PRR5: variants seen among roughly 807,000 people sequenced by gnomAD.
The protein encoded by PRR5 is proline-rich protein 5.
Under a neutral mutation model 30.6 loss-of-function variants are expected in PRR5, and 25 were observed. The observed-to-expected ratio is 0.82, with a 90% CI of 0.60 to 1.14. The LOEUF (loss-of-function observed/expected upper bound fraction) is 1.14, where lower values mean the gene tolerates loss of function less well. Ranked by LOEUF, PRR5 falls within the 50% of genes most tolerant of loss-of-function variation. PRR5 has a pLI of 0.00. For synonymous variants in PRR5, 286 were observed against 247.1 expected, an observed-to-expected ratio of 1.16 and a Z score of -1.48; for missense variants, 600 against 547.1, an observed-to-expected ratio of 1.10 and a Z score of -0.96.
chr22:44,687,940 A>G (rs1366036019), intron 1 of PRR5, among the ~76,000 whole-genome samples: 2 of 151,718 alleles, frequency 1.3e-5, no homozygotes, highest in Non-Finnish European at 2.9e-5. Flanking sequence ...ACACCTGGCT[A>G]ATTTTTGTAT....
At chr22:44,722,310 C>CCCA (rs753740015) in intron 2 of PRR5, among the ~76,000 whole-genome samples, 76 of 152,382 alleles carry the variant, frequency 5.0e-4, no homozygotes, top group Non-Finnish European at 5.7e-4. Flanking sequence ...ACTAACATCA[C>CCCA]CTGTCAGGTG....
rs552348397 is a variant in PRR5 at position 44,719,145 on chromosome 22, A to G, written c.215+4474A>G. On this transcript the variant is annotated intron_variant, in intron 2 of 7. Transcript: ENST00000336985. ...GACTTGCTGAAGAGCAGTGGCATGAACATAGCTCACTGCCGCCTGCACCTT... is the reference window on the plus strand; with the variant it reads ...GACTTGCTGAAGAGCAGTGGCATGAGCATAGCTCACTGCCGCCTGCACCTT... Among the ~76,000 whole-genome samples the G allele has an allele frequency of 8.3e-4, 126 of 151,936 alleles. 1 individual carries two copies. The South Asian group carries it at 0.025, about 30-fold the overall frequency.
At chr22:44,681,077 C>G (rs1924239559) in intron 1 of PRR5, among the ~76,000 whole-genome samples, 1 of 152,230 alleles carries the variant, frequency 6.6e-6, no homozygotes, top group African/African-American at 2.4e-5. Context: ...TCCTGTGTCT[C>G]TTCTCTCTCG....
chr22:44,724,684 C>A lies in PRR5; in HGVS notation c.216-560C>A, dbSNP rs367547711. On this transcript the variant is annotated intron_variant, in intron 2 of 7. Coordinates refer to ENST00000336985, the MANE Select transcript of PRR5 (RefSeq NM_181333.4). ...GTGGAGGTTCAGATCTCAGCTCTGG[C>A]GTGTCCCATGTGGACCTGGTCTGGT... 7.2e-5 allele frequency among the ~76,000 whole-genome samples: 11 copies of A among 152,134 alleles called. No homozygotes were observed. The East Asian group carries it at 1.2e-3, about 16-fold the overall frequency.
rs1922956208 is a variant in PRR5, at chr22:44,735,064, TGC to T, written c.596_597del (p.Arg199ProfsTer131). On this transcript the variant is annotated frameshift_variant, in exon 7 of 8. Transcript: ENST00000336985. LOFTEE classifies it high-confidence loss of function. ...TCCAGGGGCGTGACTGAGGACTACC[TGC>T]GCCTGGAGACGCTGGTCCAGAAGGT... The T allele has an allele frequency of 6.2e-7, 1 of 1,611,930 alleles. No individual in the cohort carries two copies. Among genetic ancestry groups the T allele is most frequent in the Admixed American group, 1.7e-5 (1 of 59,998 alleles).
upstream of PRR5, among the ~76,000 whole-genome samples, chr22:44,675,340 G>T (rs1018249721): frequency 2.0e-5 from 3 of 152,156 alleles, no homozygotes; most frequent in Admixed American, 2.0e-4. Context: ...CTGTCCTCCT[G>T]CCTTGGCCTC....
At position 44,737,181 on chromosome 22, in the gene PRR5, T is replaced by TGGCCGG. The variant is rs759998283; in HGVS notation, c.1111_1116dup (p.Arg371_Gly372dup). On this transcript the variant is annotated inframe_insertion, in exon 8 of 8. Coordinates refer to ENST00000336985, the MANE Select transcript of PRR5 (RefSeq NM_181333.4). ...ATTCTGAAGGGATTTTCATTGACTT[T>TGGCCGG]GGCCGGGGCCGGGGCTCTGGCATGT... 9.3e-6 allele frequency: 15 copies of TGGCCGG among 1,612,650 alleles called. No individual in the cohort carries two copies. Among genetic ancestry groups the TGGCCGG allele is most frequent in the East Asian group, 4.5e-5 (2 of 44,858 alleles).
At chr22:44,678,972 C>T (rs1924018811) in intron 1 of PRR5, among the ~76,000 whole-genome samples, 1 of 152,156 alleles carries the variant, frequency 6.6e-6, no homozygotes, top group South Asian at 2.1e-4. Flanking sequence ...GGATGGTCAG[C>T]TGGACAGTGG....
intron 1 of PRR5, among the ~76,000 whole-genome samples, chr22:44,709,435 C>T (rs1486048540): frequency 1.3e-5 from 2 of 152,034 alleles, no homozygotes; most frequent in Non-Finnish European, 2.9e-5. Context: ...GGAAGGGGCC[C>T]CAAGCCAAAG....
chr22:44,697,411 G>C (rs1194575369), upstream of PRR5, among the ~76,000 whole-genome samples: 1 of 152,228 alleles, frequency 6.6e-6, no homozygotes, highest in Non-Finnish European at 1.5e-5. Flanking sequence ...TCTCAGGGAA[G>C]GGATGGGACG....
At chr22:44,680,796 A>C (rs984366971) in intron 1 of PRR5, among the ~76,000 whole-genome samples, 4 of 152,198 alleles carry the variant, frequency 2.6e-5, no homozygotes, top group African/African-American at 9.6e-5. Context: ...AGAGGCTCAG[A>C]GTCCCCAAGA....
chr22:44,713,336 A>AT (rs1928547793), intron 1 of PRR5, among the ~76,000 whole-genome samples: 1 of 152,236 alleles, frequency 6.6e-6, no homozygotes, highest in Non-Finnish European at 1.5e-5. Flanking sequence ...ACCTCAGGTG[A>AT]TTCGCCCACC....
intron 2 of PRR5, among the ~76,000 whole-genome samples, chr22:44,718,320 G>A (rs1012547368): frequency 4.7e-5 from 7 of 147,426 alleles, no homozygotes; most frequent in African/African-American, 1.7e-4. Flanking sequence ...TCAGCCTCCC[G>A]AGTAGCTGGG....
intron 1 of PRR5, among the ~76,000 whole-genome samples, chr22:44,685,100 C>T (rs529183309): frequency 8.5e-4 from 130 of 152,282 alleles, no homozygotes; most frequent in Middle Eastern, 3.4e-3. Flanking sequence ...AGCTTTCCCT[C>T]GGAGCCTCTG....
chr22:44,707,656 T>C (rs1927446155), intron 1 of PRR5, among the ~76,000 whole-genome samples: 1 of 152,188 alleles, frequency 6.6e-6, no homozygotes, highest in Non-Finnish European at 1.5e-5. Context: ...TACCAAGCCC[T>C]CTGAGCCAGT....
chr22:44,727,962 G>A (rs1192910615), intron 4 of PRR5, among the ~76,000 whole-genome samples: 2 of 152,254 alleles, frequency 1.3e-5, no homozygotes, highest in African/African-American at 2.4e-5. Context: ...GGCACCTGAC[G>A]AAGATGGCCA....
chr22:44,699,775 G>A (rs1014604892), upstream of PRR5, among the ~76,000 whole-genome samples: 22 of 152,324 alleles, frequency 1.4e-4, no homozygotes, highest in East Asian at 7.7e-4. Context: ...TCTGAAAGAC[G>A]TTCTAGGGCA....
chr22:44,735,621 CGGAG>C (rs1417654863), intron 7 of PRR5, among the ~76,000 whole-genome samples: 1 of 152,182 alleles, frequency 6.6e-6, no homozygotes, highest in African/African-American at 2.4e-5. Context: ...GCTCCCTTGA[CGGAG>C]GGCCTCTGGG....
rs370225939 is a variant in PRR5, at chr22:44,737,115, G to A, written c.1035G>A (p.Pro345=). The A allele has an allele frequency of 4.3e-5, 70 of 1,612,332 alleles. No individual in the cohort carries two copies. The highest frequency in any genetic ancestry group is 4.3e-4 in the Admixed American group (26 of 60,014). ...PTRSSLPRSS[P]ENLVDQILES... ...GCAGCTCCCTGCCCCGCTCCAGCCC[G>A]GAGAACCTGGTGGACCAGATCCTGG... Residue 345 remains proline (P), a synonymous_variant, in exon 8 of 8, where the codon CCG becomes CCA. Transcript: ENST00000336985.
Sources: allele counts gnomAD v4.1 joint callset (sites outside exome capture counted in the v4.1 genomes callset), GRCh38; gene constraint gnomAD v4.1.1; transcripts MANE v1.5; gene names NCBI Gene and HGNC (gene_info 2026-07-23, HGNC 2026-07-21).